MAP2K1: variants seen among roughly 807,000 people sequenced by gnomAD.
MAP2K1 encodes mitogen-activated protein kinase kinase 1.
A neutral mutation model predicts 46.3 loss-of-function variants in MAP2K1; 16 were observed. The observed-to-expected ratio is 0.35, with a 90% CI of 0.23 to 0.52. The LOEUF is 0.52. Ranked by LOEUF, MAP2K1 falls within the 20% of genes least tolerant of loss-of-function variation. MAP2K1 has a pLI of 0.94. For synonymous variants in MAP2K1, 183 were observed against 185.6 expected (o/e 0.99, Z 0.11); for missense variants, 263 against 497.1 (o/e 0.53, Z 4.48).
At chr15:66,429,314 A>G (rs1005504383) in intron 1 of MAP2K1, among the ~76,000 whole-genome samples, 6 of 152,108 alleles carry the variant, frequency 3.9e-5, no homozygotes, top group African/African-American at 1.4e-4. Flanking sequence ...AATGCCAGAC[A>G]CTTATAAAAC....
At chr15:66,438,019 C>CTT (rs58085335) in intron 3 of MAP2K1, among the ~76,000 whole-genome samples, 84 of 117,770 alleles carry the variant, frequency 7.1e-4, no homozygotes, top group African/African-American at 9.0e-4. Context: ...CTCTTGTGTT[C>CTT]TTTTTTTTTT....
chr15:66,439,992 G>T (rs559167805), intron 3 of MAP2K1, among the ~76,000 whole-genome samples: 10 of 151,302 alleles, frequency 6.6e-5, no homozygotes, highest in Admixed American at 3.9e-4. Flanking sequence ...GTGTACACTC[G>T]TACACCCACC....
At chr15:66,458,037 A>G (rs995840093) in intron 5 of MAP2K1, among the ~76,000 whole-genome samples, 1 of 152,100 alleles carries the variant, frequency 6.6e-6, no homozygotes, top group African/African-American at 2.4e-5. Flanking sequence ...CAAGGAAAAC[A>G]TGATAAGTGA....
rs749645202 is a variant in MAP2K1, at chr15:66,489,251, G to A, written c.997G>A (p.Glu333Lys). ...PKLPSGVFSL[E>K]FQDFVNKCLI... ...ACTGCCCAGTGGAGTGTTCAGTCTGGAATTTCAAGATTTTGTGAATAAATG... is the reference window on the plus strand; with the variant it reads ...ACTGCCCAGTGGAGTGTTCAGTCTGAAATTTCAAGATTTTGTGAATAAATG... Residue 333 changes from glutamate (E) to lysine (K), a missense_variant, in exon 9 of 11, where the codon GAA becomes AAA. By Grantham distance (56) the Glu-to-Lys change is moderately conservative. This residue lies in a region of MAP2K1 where 118 missense variants were observed against 193.0 expected (regional missense o/e 0.61). Transcript: ENST00000307102. 1 of 1,613,980 alleles carries A rather than the reference G, an allele frequency of 6.2e-7. No homozygotes were observed. Among genetic ancestry groups the A allele is most frequent in the South Asian group, 1.1e-5 (1 of 91,086 alleles).
At chr15:66,457,114 AT>A (rs869216656) in intron 5 of MAP2K1, among the ~76,000 whole-genome samples, 14 of 143,110 alleles carry the variant, frequency 9.8e-5, no homozygotes, top group African/African-American at 3.4e-4. Flanking sequence ...ACAAAATTCA[AT>A]TTATTATTAT....
intron 5 of MAP2K1, among the ~76,000 whole-genome samples, chr15:66,461,771 G>A (rs1032236641): frequency 2.0e-5 from 3 of 152,296 alleles, no homozygotes; most frequent in Admixed American, 1.3e-4. Flanking sequence ...GAGCCACTGT[G>A]TCCTCTCCCT....
chr15:66,489,060 G>T, intron 8 of MAP2K1, 155 bp from the exon 9 acceptor site: 1 of 697,502 alleles, frequency 1.4e-6, no homozygotes. Flanking sequence ...TTCTACCTGT[G>T]CCTTTCCTTG....
chr15:66,392,471 G>A (rs1461137963), intron 1 of MAP2K1, among the ~76,000 whole-genome samples: 1 of 151,104 alleles, frequency 6.6e-6, no homozygotes, highest in Non-Finnish European at 1.5e-5. Flanking sequence ...GAGCCACTGT[G>A]CTGGTGCACC....
chr15:66,397,165 C>T (rs1034203036), intron 1 of MAP2K1, among the ~76,000 whole-genome samples: 8 of 151,728 alleles, frequency 5.3e-5, no homozygotes, highest in South Asian at 2.1e-4. Flanking sequence ...CCACCACGCC[C>T]GGCTAATTTT....
At chr15:66,404,004 T>C (rs1458498083) in intron 1 of MAP2K1, among the ~76,000 whole-genome samples, 1 of 152,170 alleles carries the variant, frequency 6.6e-6, no homozygotes, top group African/African-American at 2.4e-5. Context: ...TCTACCAAAA[T>C]GCCAGCCTGT....
rs965671905 is a variant in MAP2K1, at chr15:66,428,358, T to C, written c.81-6669T>C. On this transcript the variant is annotated intron_variant, in intron 1 of 10. Coordinates refer to ENST00000307102, the MANE Select transcript of MAP2K1 (RefSeq NM_002755.4). Reference sequence around the variant, plus strand: ...GGTTATTGATGTTTATTTTAGGGAATTGGCTCATGTGATTATGGAGGTCTG... The same window carrying C: ...GGTTATTGATGTTTATTTTAGGGAACTGGCTCATGTGATTATGGAGGTCTG... Among the ~76,000 whole-genome samples the C allele has an allele frequency of 2.0e-5, 3 of 150,524 alleles. No individual in the cohort carries two copies. The Admixed American group carries it at 2.0e-4, about 10-fold the overall frequency.
chr15:66,433,913 C>T (rs2414906), intron 1 of MAP2K1, among the ~76,000 whole-genome samples: 2,388 of 152,296 alleles, frequency 0.016, 63 homozygotes, highest in African/African-American at 0.055. Flanking sequence ...TTTCAGTTCC[C>T]TGGATGAAAC....
chr15:66,487,960 T>C (rs908015362), intron 8 of MAP2K1, among the ~76,000 whole-genome samples: 13 of 152,186 alleles, frequency 8.5e-5, no homozygotes, highest in African/African-American at 3.1e-4. Flanking sequence ...CAAGCATTGC[T>C]GAGGTAGGCC....
intron 1 of MAP2K1, among the ~76,000 whole-genome samples, chr15:66,413,590 A>C (rs1412625780): frequency 6.6e-6 from 1 of 151,780 alleles, no homozygotes; most frequent in Non-Finnish European, 1.5e-5. Context: ...AATATTTCTC[A>C]CTGCAAATTC....
intron 1 of MAP2K1, among the ~76,000 whole-genome samples, chr15:66,430,722 C>G (rs942620417): frequency 1.3e-5 from 2 of 152,134 alleles, no homozygotes; most frequent in Admixed American, 1.3e-4. Context: ...CCCTGAGATA[C>G]ATTTTATGCT....
intron 1 of MAP2K1, among the ~76,000 whole-genome samples, chr15:66,398,321 C>T (rs549405625): frequency 2.2e-4 from 33 of 151,886 alleles, no homozygotes; most frequent in African/African-American, 6.8e-4. Flanking sequence ...GAGGCTGAGG[C>T]GGGAGGATTG....
At chr15:66,471,692 G>A (rs181714973) in intron 5 of MAP2K1, among the ~76,000 whole-genome samples, 2 of 152,114 alleles carry the variant, frequency 1.3e-5, no homozygotes, top group African/African-American at 4.8e-5. Context: ...CAAACCCCAG[G>A]AAGGATAGAA....
intron 3 of MAP2K1, among the ~76,000 whole-genome samples, chr15:66,437,373 T>G (rs2093491082): frequency 6.6e-6 from 1 of 152,228 alleles, no homozygotes; most frequent in South Asian, 2.1e-4. Context: ...ATGGGCTAAT[T>G]AATCATATGC....
intron 1 of MAP2K1, among the ~76,000 whole-genome samples, chr15:66,407,485 C>G (rs538600238): frequency 1.2e-4 from 18 of 152,294 alleles, no homozygotes; most frequent in African/African-American, 4.1e-4. Context: ...ACTGCATGAC[C>G]AACTCTGTGC....
Sources: allele counts gnomAD v4.1 joint callset (sites outside exome capture counted in the v4.1 genomes callset), GRCh38; gene constraint gnomAD v4.1.1; regional missense constraint gnomAD v4.1.1; transcripts MANE v1.5; gene names NCBI Gene and HGNC (gene_info 2026-07-23, HGNC 2026-07-21).